DDX18: variants seen among roughly 807,000 people sequenced by gnomAD.
The protein encoded by DDX18 is ATP-dependent RNA helicase DDX18.
In DDX18, 23 loss-of-function variants were observed where a neutral mutation model predicts 73.5. The ratio of observed to expected loss-of-function variants is 0.31; its 90% CI spans 0.23 to 0.44. The LOEUF (loss-of-function observed/expected upper bound fraction) is 0.44. DDX18 is among the 20% of genes least tolerant of loss of function. The pLI is 1.00. For missense variants in DDX18, 753 were observed against 792.9 expected (o/e 0.95, Z 0.60); for synonymous variants, 268 against 282.7 (o/e 0.95, Z 0.52).
rs1178132348 is a variant in DDX18 at position 117,826,256 on chromosome 2, T to G, written c.1522-13T>G. 18 of 1,610,034 alleles carry G rather than the reference T, an allele frequency of 1.1e-5. No homozygotes were observed. The highest frequency in any genetic ancestry group is 1.5e-5 in the Non-Finnish European group (18 of 1,177,418). Reference sequence around the variant, plus strand: ...GTCACTGCGTTAACTCAGATTTTCTTTCTCCACCAAAGGAATATATTCATC... The same window carrying G: ...GTCACTGCGTTAACTCAGATTTTCTGTCTCCACCAAAGGAATATATTCATC... On this transcript the variant is annotated splice_polypyrimidine_tract_variant and intron_variant, in intron 10 of 13. Transcript: ENST00000263239.
chr2:117,824,430 C>A, intron 7 of DDX18, 139 bp from the exon 8 acceptor site: 1 of 813,194 alleles, frequency 1.2e-6, no homozygotes, highest in Non-Finnish European at 1.7e-6. Flanking sequence ...ACCCTTTTTA[C>A]CTTTTGTAAT....
rs1679847244 is a variant in DDX18 at position 117,821,563 on chromosome 2, C to T, written c.651-87C>T. 7.0e-6 allele frequency: 10 copies of T among 1,429,738 alleles called. 1 individual carries two copies. In the South Asian group the frequency reaches 9.5e-5, roughly 14 times the overall value. 88.6% of individuals were successfully genotyped at this position (1,429,738 alleles called of 1,614,324 possible). A position where few individuals can be genotyped will look rare whatever the true frequency, so the allele number is the denominator to read the frequency against. ...ACTGTAGACGTTTCTTGTTCATGTT[C>T]TAGCCGTAGTGCCTAAGGTGTGTGT... On this transcript the variant is annotated intron_variant, in intron 4 of 13. Coordinates refer to ENST00000263239, the MANE Select transcript of DDX18 (RefSeq NM_006773.4).
At chr2:117,818,767 C>T (rs975476761) in intron 2 of DDX18, among the ~76,000 whole-genome samples, 1 of 152,120 alleles carries the variant, frequency 6.6e-6, no homozygotes, top group Non-Finnish European at 1.5e-5. Context: ...AGTGATCCTC[C>T]CACCTCGGCT....
intron 13 of DDX18, 129 bp downstream of exon 13, chr2:117,829,595 C>T (rs931689533): frequency 5.7e-6 from 5 of 881,038 alleles, no homozygotes; most frequent in South Asian, 1.7e-5. Context: ...TCACCCTGGT[C>T]GATGTCTGCT....
At chr2:117,819,306 C>T (rs961412138) in intron 2 of DDX18, among the ~76,000 whole-genome samples, 6 of 152,016 alleles carry the variant, frequency 3.9e-5, no homozygotes, top group African/African-American at 4.8e-5. Context: ...TAGTGATTGG[C>T]GTGGGAAGAA....
At chr2:117,819,915 AC>A (rs1372225404) in intron 3 of DDX18, 123 bp downstream of exon 3, 1 of 908,762 alleles carries the variant, frequency 1.1e-6, no homozygotes, top group African/African-American at 1.7e-5. Flanking sequence ...TCAACAAGAA[AC>A]TTTTTTTATA....
chr2:117,824,770 G>T, intron 8 of DDX18, 62 bp downstream of exon 8: 1 of 1,475,882 alleles, frequency 6.8e-7, no homozygotes, highest in East Asian at 2.4e-5. Context: ...TGTAATTGTT[G>T]GAAGGATCAT....
Position 117,821,859 on chromosome 2 carries a change from T to G in DDX18, c.752-3T>G. 6.2e-7 allele frequency: 1 copy of G among 1,614,034 alleles called. No homozygotes were observed. The highest frequency in any genetic ancestry group is 8.5e-7 in the Non-Finnish European group (1 of 1,179,910). On this transcript the variant is annotated splice_polypyrimidine_tract_variant and splice_region_variant and intron_variant, in intron 5 of 13. Transcript: ENST00000263239. Reference sequence around the variant, plus strand: ...TTAGACTTCTACCATATATCATTTTTAGGAACAGGAGTCCTTATTCTCTCA... The same window carrying G: ...TTAGACTTCTACCATATATCATTTTGAGGAACAGGAGTCCTTATTCTCTCA...
chr2:117,830,685 T>G lies in DDX18; in HGVS notation c.1974T>G (p.Ile658Met). 3 of 1,613,692 alleles carry G rather than the reference T, an allele frequency of 1.9e-6. No homozygotes were observed. The highest frequency in any genetic ancestry group is 2.5e-6 in the Non-Finnish European group (3 of 1,179,768). ...AGAAATCCAAAATCTTTAAACACAT[T>G]AGCAAGAAATCATCTGACAGCAGGC... is the stretch of plus-strand genomic sequence containing the variant. ...KVEKSKIFKH[I>M]SKKSSDSRQF... Residue 658 changes from isoleucine (I) to methionine (M), a missense_variant, in exon 14 of 14, where the codon ATT becomes ATG. By Grantham distance (10) the Ile-to-Met change is conservative. Coordinates refer to ENST00000263239, the MANE Select transcript of DDX18 (RefSeq NM_006773.4).
Position 117,830,878 on chromosome 2 carries a change from A to G in DDX18, c.*154A>G. 3.8e-6 allele frequency: 3 copies of G among 782,126 alleles called. No homozygotes were observed. Among genetic ancestry groups the G allele is most frequent in the South Asian group, 2.0e-5 (1 of 51,262 alleles). The allele number at this position is 782,126 out of a possible 1,614,324, so 48.4% of individuals were successfully genotyped here. The stretch of plus-strand genomic sequence containing the variant: ...GCAAGCACTGAGCACTGTTACTTCT[A>G]TCACGTCTCTCTTTTATTTCTGGGA... On this transcript the variant is annotated 3_prime_UTR_variant, in exon 14 of 14. Coordinates refer to ENST00000263239, the MANE Select transcript of DDX18 (RefSeq NM_006773.4).
chr2:117,825,497 T>TG lies in DDX18; in HGVS notation c.1420dup (p.Ala474GlyfsTer20). On this transcript the variant is annotated frameshift_variant, in exon 10 of 14. Coordinates refer to ENST00000263239, the MANE Select transcript of DDX18 (RefSeq NM_006773.4). LOFTEE classifies it high-confidence loss of function. ...CAACCACATTCTTCCAGTTCTGCAA[T>TG]GCAGATTCGGGAACACTATTGTGTA... 1 of 1,614,172 alleles carries TG rather than the reference T, an allele frequency of 6.2e-7. No individual in the cohort carries two copies.
Position 117,831,825 on chromosome 2 carries a change from T to G in DDX18, c.*1101T>G, listed in dbSNP as rs1444929864. On this transcript the variant is annotated 3_prime_UTR_variant, in exon 14 of 14. Transcript: ENST00000263239. ...CGTTGTAGGAGCACTTGATTTCTAG[T>G]GTGTTTTGTACAGTATATAACTACA... The G allele has an allele frequency of 6.6e-6, 1 of 152,210 alleles. No homozygotes were observed. The highest frequency in any genetic ancestry group is 1.5e-5 in the Non-Finnish European group (1 of 68,032). The allele number at this position is 152,210 out of a possible 1,614,324, so 9.4% of individuals were successfully genotyped here.
chr2:117,829,388 A>G lies in DDX18; in HGVS notation c.1792A>G (p.Ile598Val), dbSNP rs1679984496. 1 of 1,614,012 alleles carries G rather than the reference A, an allele frequency of 6.2e-7. No homozygotes were observed. Among genetic ancestry groups the G allele is most frequent in the African/African-American group, 1.3e-5 (1 of 74,930 alleles). ...RAYDSHSLKQ[I>V]FNVNNLNLPQ... is the part of the protein sequence containing the mutation. The stretch of plus-strand genomic sequence containing the variant: ...CTATGATTCCCATTCTCTGAAACAG[A>G]TCTTTAATGTTAATAACCTAAATTT... The change falls in exon 13 of 14, where the codon ATC becomes GTC. Residue 598 changes from isoleucine (I) to valine (V), a missense_variant. Physicochemically the swap from Ile to Val is conservative, Grantham distance 29. This residue lies in a region of DDX18 where 402 missense variants were observed against 419.4 expected (regional missense o/e 0.96). Coordinates refer to ENST00000263239, the MANE Select transcript of DDX18 (RefSeq NM_006773.4).
chr2:117,820,214 G>A (rs1679824396), intron 3 of DDX18, among the ~76,000 whole-genome samples: 1 of 152,222 alleles, frequency 6.6e-6, no homozygotes, highest in African/African-American at 2.4e-5. Context: ...TACTTGAGTT[G>A]TTTATTTGGT....
chr2:117,826,855 CTG>C (rs1365895335), intron 11 of DDX18: 1 of 158,028 alleles, frequency 6.3e-6, no homozygotes, highest in Non-Finnish European at 1.4e-5. Flanking sequence ...AAATTTCTCA[CTG>C]TAAAAAAGTA....
chr2:117,826,034 CTTTTTTTTTTTTTT>C (rs59119058), intron 10 of DDX18: 41 of 97,290 alleles, frequency 4.2e-4, no homozygotes, highest in Non-Finnish European at 6.1e-4. Flanking sequence ...CATGTCCAGC[CTTTTTTTTTTTTTT>C]TTTTTTTTTT....
chr2:117,818,657 T>C (rs1266366496), intron 2 of DDX18, among the ~76,000 whole-genome samples: 3 of 152,140 alleles, frequency 2.0e-5, no homozygotes, highest in Non-Finnish European at 4.4e-5. Context: ...GCTGGGCGTT[T>C]TAACCTTATG....
intron 7 of DDX18, chr2:117,822,531 A>G (rs1245706964): frequency 1.2e-5 from 4 of 337,714 alleles, no homozygotes; most frequent in Non-Finnish European, 2.2e-5. Context: ...TACCTCATCT[A>G]ACATCCCCCA....
intron 11 of DDX18, chr2:117,826,663 C>T (rs1679932916): frequency 4.9e-6 from 2 of 404,718 alleles, no homozygotes; most frequent in Non-Finnish European, 9.1e-6. Flanking sequence ...CTTCTCCACT[C>T]CTTTGAAGCT....
Sources: gnomAD v4.1 joint callset for allele counts (sites outside exome capture counted in the v4.1 genomes callset) on GRCh38, gnomAD v4.1.1 for gene constraint, gnomAD v4.1.1 regional missense constraint, MANE v1.5 for transcripts, NCBI Gene and HGNC (gene_info 2026-07-23, HGNC 2026-07-21) for gene names.